The following DNAH9 variants were observed in gnomAD, a reference collection of about 807,000 sequenced individuals.
DNAH9 encodes the protein dynein axonemal heavy chain 9.
DNAH9 carries 345 observed loss-of-function variants against 471.6 expected under a neutral mutation model. The observed-to-expected ratio is 0.73, with a 90% CI of 0.67 to 0.80. The LOEUF (loss-of-function observed/expected upper bound fraction) is 0.80. Among genes scored for constraint, DNAH9 ranks in the 30% least tolerant of loss-of-function variants. DNAH9 has a pLI of 0.00. For synonymous variants in DNAH9, 2,093 were observed against 2,123.6 expected, an observed-to-expected ratio of 0.99 and a Z score of 0.40; for missense variants, 5,407 against 5,609.2, an observed-to-expected ratio of 0.96 and a Z score of 1.15.
chr17:11,748,837 C>T (rs12944295), intron 32 of DNAH9, among the ~76,000 whole-genome samples: 1 of 152,086 alleles, frequency 6.6e-6, no homozygotes, highest in African/African-American at 2.4e-5. Context: ...ATGAGGAAAT[C>T]TCAGCTCCTT....
Position 11,884,544 on chromosome 17 carries a change from A to G in DNAH9, c.10971+794A>G, listed in dbSNP as rs1369990809. The G allele has an allele frequency of 4.4e-5, 20 of 456,106 alleles. No homozygotes were observed. The Middle Eastern group carries it at 9.8e-4, about 22-fold the overall frequency. The allele number at this position is 456,106 out of a possible 1,614,324, so 28.3% of individuals were successfully genotyped here. On this transcript the variant is annotated intron_variant, in intron 56 of 68. Transcript: ENST00000262442. ...AGATGCTTATTGCCAGATTATTGGG[A>G]TTTCTCCAAATATGAAAGACTTCGT...
intron 27 of DNAH9, among the ~76,000 whole-genome samples, chr17:11,726,784 T>TA (rs1318112014): frequency 6.6e-6 from 1 of 152,070 alleles, no homozygotes; most frequent in Non-Finnish European, 1.5e-5. Context: ...CATGGTGGCT[T>TA]ATGCCTGTCA....
At chr17:11,946,726 C>T (rs1225759766) in intron 67 of DNAH9, among the ~76,000 whole-genome samples, 15 of 142,400 alleles carry the variant, frequency 1.1e-4, no homozygotes, top group Admixed American at 5.6e-4. Flanking sequence ...AAATATATAA[C>T]GGTATTTTAA....
chr17:11,680,692 G>T (rs1215575864), intron 18 of DNAH9, 31 bp from the exon 19 acceptor site: 1 of 1,608,628 alleles, frequency 6.2e-7, no homozygotes, highest in African/African-American at 1.3e-5. Flanking sequence ...AGCACCTTGG[G>T]AATCTGACCA....
At chr17:11,732,275 T>C (rs915817529) in intron 28 of DNAH9, among the ~76,000 whole-genome samples, 2 of 152,234 alleles carry the variant, frequency 1.3e-5, no homozygotes, top group Non-Finnish European at 2.9e-5. Context: ...TGTCACACTC[T>C]GATCTAGGAA....
intron 38 of DNAH9, among the ~76,000 whole-genome samples, chr17:11,778,512 CAG>C (rs968910366): frequency 1.1e-4 from 16 of 152,034 alleles, no homozygotes; most frequent in South Asian, 6.2e-4. Flanking sequence ...GGGCATAAAA[CAG>C]GGGATGGGCG....
Position 11,610,468 on chromosome 17 carries a change from G to A in DNAH9, c.687G>A (p.Gln229=). ...SAVIKWSYQV[Q]VVLKRESSQP... is the part of the protein sequence containing the mutation. ...TGATCAAATGGAGCTACCAAGTCCA[G>A]GTGGTACTCAAGAGAGAGTCTTCCC... The change falls in exon 3 of 69, where the codon CAG becomes CAA. Residue 229 remains glutamine, a synonymous_variant. Coordinates refer to ENST00000262442, the MANE Select transcript of DNAH9 (RefSeq NM_001372.4). 2 of 1,613,776 alleles carry A rather than the reference G, an allele frequency of 1.2e-6. No homozygotes were observed. Among genetic ancestry groups the A allele is most frequent in the East Asian group, 4.5e-5 (2 of 44,874 alleles).
In DNAH9 at chr17:11,854,109, A is replaced by G. The variant is rs1251478571; in HGVS notation, c.9614A>G (p.Asp3205Gly). 1 of 1,614,118 alleles carries G rather than the reference A, an allele frequency of 6.2e-7. No homozygotes were observed. Among genetic ancestry groups the G allele is most frequent in the Non-Finnish European group, 8.5e-7 (1 of 1,180,024 alleles). ...GCTCCCAGGGGTAGGGTGCCCAAGGACCGGAGCTGGAAGGCTGCTAAGGTC... is the reference window on the plus strand; with the variant it reads ...GCTCCCAGGGGTAGGGTGCCCAAGGGCCGGAGCTGGAAGGCTGCTAAGGTC... Reference protein sequence around the residue: ...LMAPRGRVPKDRSWKAAKVTM... With the variant: ...LMAPRGRVPKGRSWKAAKVTM... Residue 3205 changes from aspartate to glycine, a missense_variant, in exon 50 of 69, where the codon GAC (aspartate) becomes GGC (glycine). This residue lies in a region of DNAH9 where 4,636 missense variants were observed against 4,900.3 expected (regional missense o/e 0.95). Coordinates refer to ENST00000262442, the MANE Select transcript of DNAH9 (RefSeq NM_001372.4).
At chr17:11,658,673 T>C (rs1157170608) in intron 14 of DNAH9, among the ~76,000 whole-genome samples, 1 of 152,170 alleles carries the variant, frequency 6.6e-6, no homozygotes, top group Non-Finnish European at 1.5e-5. Flanking sequence ...AAGACCCCTT[T>C]TATTCCTAGT....
At chr17:11,619,865 A>T in intron 6 of DNAH9, 84 bp downstream of exon 6, 2 of 771,856 alleles carry the variant, frequency 2.6e-6, no homozygotes, top group Admixed American at 4.1e-5. Context: ...AGGAAAATGC[A>T]CAACACAACC....
chr17:11,716,101 T>TTTTTA (rs2074957196), intron 26 of DNAH9, among the ~76,000 whole-genome samples: 1 of 144,394 alleles, frequency 6.9e-6, no homozygotes, highest in Non-Finnish European at 1.5e-5. Flanking sequence ...TTTTTTTTTT[T>TTTTTA]GAGATGAAGT....
chr17:11,692,947 C>T (rs543718099), intron 20 of DNAH9, among the ~76,000 whole-genome samples: 1 of 152,174 alleles, frequency 6.6e-6, no homozygotes, highest in South Asian at 2.1e-4. Context: ...GCTTTGTCAC[C>T]CAGGCTGGAG....
chr17:11,908,332 C>T (rs191529829), intron 61 of DNAH9, among the ~76,000 whole-genome samples: 1 of 152,268 alleles, frequency 6.6e-6, no homozygotes, highest in East Asian at 1.9e-4. Context: ...ATAATAATTG[C>T]ACATATCAAT....
intron 30 of DNAH9, among the ~76,000 whole-genome samples, chr17:11,742,845 C>A (rs1200089071): frequency 1.3e-5 from 2 of 152,162 alleles, no homozygotes; most frequent in Admixed American, 1.3e-4. Context: ...CTGGGCTGTC[C>A]CCAATGAGCT....
chr17:11,798,522 T>C (rs1969339630), intron 43 of DNAH9, among the ~76,000 whole-genome samples: 1 of 148,212 alleles, frequency 6.7e-6, no homozygotes, highest in South Asian at 2.1e-4. Context: ...AAAAATTAAA[T>C]ATCCTTTTAG....
At chr17:11,915,114 C>A (rs1303928627) in intron 61 of DNAH9, among the ~76,000 whole-genome samples, 1 of 152,198 alleles carries the variant, frequency 6.6e-6, no homozygotes, top group East Asian at 1.9e-4. Context: ...TGGCTTATTA[C>A]ACTAGCCTCC....
At chr17:11,775,968 G>T (rs12601250) in intron 38 of DNAH9, among the ~76,000 whole-genome samples, 2 of 151,896 alleles carry the variant, frequency 1.3e-5, no homozygotes, top group African/African-American at 4.8e-5. Context: ...ACATCCAGTT[G>T]TGGAGTCTCC....
At chr17:11,673,601 G>GTTTTTTTTTTT in intron 17 of DNAH9, among the ~76,000 whole-genome samples, 1 of 131,010 alleles carries the variant, frequency 7.6e-6, no homozygotes, top group African/African-American at 2.8e-5. Flanking sequence ...GTTTATATTT[G>GTTTTTTTTTTT]TTTTTTTTTT....
chr17:11,750,428 T>G (rs964791643), intron 32 of DNAH9, among the ~76,000 whole-genome samples: 11 of 152,096 alleles, frequency 7.2e-5, no homozygotes, highest in Non-Finnish European at 1.2e-4. Flanking sequence ...ATCACCAAAC[T>G]CAATATAATA....
Sources: gnomAD v4.1 joint callset for allele counts (sites outside exome capture counted in the v4.1 genomes callset) on GRCh38, gnomAD v4.1.1 for gene constraint, gnomAD v4.1.1 regional missense constraint, MANE v1.5 for transcripts, NCBI Gene and HGNC (gene_info 2026-07-23, HGNC 2026-07-21) for gene names.